The following LSAMP variants were observed in gnomAD, a reference collection of about 807,000 sequenced individuals.
LSAMP encodes limbic system associated membrane protein, also known as limbic system-associated membrane protein.
A neutral mutation model predicts 38.6 loss-of-function variants in LSAMP; 7 were observed. The observed-to-expected ratio is 0.18, with a 90% CI of 0.10 to 0.34. The LOEUF is 0.34. Ranked by LOEUF, LSAMP falls within the 10% of genes least tolerant of loss-of-function variation. The probability of loss-of-function intolerance (pLI) is 1.00; values close to 1 mark genes in which losing one functional copy is unlikely to be tolerated. For synonymous variants in LSAMP, 154 were observed against 166.8 expected (o/e 0.92, Z 0.59); for missense variants, 313 against 420.0 (o/e 0.75, Z 2.23).
At chr3:116,263,734 G>A (rs1349602450) in intron 1 of LSAMP, among the ~76,000 whole-genome samples, 7 of 151,950 alleles carry the variant, frequency 4.6e-5, no homozygotes, top group Admixed American at 3.9e-4. Flanking sequence ...TGTAAGATAA[G>A]GCTGAGTCCA....
intron 3 of LSAMP, among the ~76,000 whole-genome samples, chr3:116,012,024 G>T (rs888257709): frequency 2.0e-5 from 3 of 152,184 alleles, no homozygotes; most frequent in Admixed American, 1.3e-4. Flanking sequence ...GTCCATTGTG[G>T]ACAGTCCACA....
intron 1 of LSAMP, among the ~76,000 whole-genome samples, chr3:116,312,288 A>G (rs1340676069): frequency 3.9e-5 from 6 of 152,166 alleles, no homozygotes; most frequent in Non-Finnish European, 8.8e-5. Flanking sequence ...GAATCGGACA[A>G]AAAGGGCTCC....
chr3:116,179,020 T>C (rs374525338), intron 1 of LSAMP, among the ~76,000 whole-genome samples: 38 of 121,848 alleles, frequency 3.1e-4, no homozygotes, highest in African/African-American at 9.3e-4. Context: ...GCTACCCAAC[T>C]TTTACTACCT....
intron 1 of LSAMP, among the ~76,000 whole-genome samples, chr3:116,424,523 C>T (rs2049169176): frequency 6.6e-6 from 1 of 152,162 alleles, no homozygotes; most frequent in Non-Finnish European, 1.5e-5. Context: ...TTGAGGGTCA[C>T]AGGACAACCC....
chr3:116,182,778 T>C (rs1273905385), intron 1 of LSAMP, among the ~76,000 whole-genome samples: 1 of 151,862 alleles, frequency 6.6e-6, no homozygotes, highest in East Asian at 1.9e-4. Flanking sequence ...GAGTTGATCC[T>C]GGTAATGTAT....
chr3:116,245,270 A>G (rs1049509217), intron 1 of LSAMP, among the ~76,000 whole-genome samples: 2 of 152,168 alleles, frequency 1.3e-5, no homozygotes, highest in African/African-American at 2.4e-5. Context: ...CCCTGCTGAC[A>G]CCTTGAACTT....
At chr3:116,424,716 T>C (rs886450527) in intron 1 of LSAMP, among the ~76,000 whole-genome samples, 7 of 152,192 alleles carry the variant, frequency 4.6e-5, no homozygotes, top group African/African-American at 1.7e-4. Flanking sequence ...AAATGCAGTA[T>C]TGAGAGTCTT....
chr3:116,339,544 A>G (rs942871769), intron 1 of LSAMP, among the ~76,000 whole-genome samples: 6 of 151,870 alleles, frequency 4.0e-5, no homozygotes, highest in South Asian at 2.1e-4. Context: ...CCCATGGGGA[A>G]GTAGGGTCTG....
intron 1 of LSAMP, among the ~76,000 whole-genome samples, chr3:116,100,646 C>T (rs1312679209): frequency 6.6e-6 from 1 of 152,166 alleles, no homozygotes; most frequent in African/African-American, 2.4e-5. Flanking sequence ...GCTATTCCAT[C>T]TGTCTTTCAT....
intron 3 of LSAMP, among the ~76,000 whole-genome samples, chr3:115,877,483 T>C (rs527930671): frequency 6.6e-6 from 1 of 152,254 alleles, no homozygotes; most frequent in Non-Finnish European, 1.5e-5. Flanking sequence ...CAAACATTTA[T>C]ACATGAGCGT....
rs539533827 is a variant in LSAMP at position 115,809,874 on chromosome 3, G to A, written c.*443C>T. 1 of 153,364 alleles carries A rather than the reference G, an allele frequency of 6.5e-6. No individual in the cohort carries two copies. Among genetic ancestry groups the A allele is most frequent in the Non-Finnish European group, 1.4e-5 (1 of 70,012 alleles). 9.5% of individuals were successfully genotyped at this position (153,364 alleles called of 1,614,324 possible). A position where few individuals can be genotyped will look rare whatever the true frequency, so the allele number is the denominator to read the frequency against. On this transcript the variant is annotated 3_prime_UTR_variant, in exon 7 of 7. Coordinates refer to ENST00000490035, the MANE Select transcript of LSAMP (RefSeq NM_002338.5). ...CTCAAATGAAAAATAGAATTAAAAG[G>A]TTATGGAAATATAAACACCAAAGGC...
At position 116,403,746 on chromosome 3, in the gene LSAMP, C is replaced by CT. The variant is rs35084969; in HGVS notation, c.155+41130dup. ...GCAAAATGTAGATTTGGCATAGAAT[C>CT]TTTTTTTTTTTTAAACAAAAAAAGG... On this transcript the variant is annotated intron_variant, in intron 1 of 6. Coordinates refer to ENST00000490035, the MANE Select transcript of LSAMP (RefSeq NM_002338.5). Among the ~76,000 whole-genome samples, 70 of 145,692 alleles carry CT rather than the reference C, an allele frequency of 4.8e-4. 1 individual carries two copies. The highest frequency in any genetic ancestry group is 3.5e-3 in the Middle Eastern group (1 of 284).
rs939211368 is a variant in LSAMP, at chr3:116,209,435, A to G, written c.156-122879T>C. The stretch of plus-strand genomic sequence containing the variant: ...ATCTTGGCTCTTCCCTCAAATTTCT[A>G]TATTTTTAGAAGTTTGTGAGTTTTT... On this transcript the variant is annotated intron_variant, in intron 1 of 6. Coordinates refer to ENST00000490035, the MANE Select transcript of LSAMP (RefSeq NM_002338.5). 9.2e-5 allele frequency among the ~76,000 whole-genome samples: 14 copies of G among 152,122 alleles called. No homozygotes were observed. The East Asian group carries it at 1.9e-3, about 21-fold the overall frequency.
chr3:116,222,666 A>AATCAACAT (rs1208236740), intron 1 of LSAMP, among the ~76,000 whole-genome samples: 1 of 150,314 alleles, frequency 6.7e-6, no homozygotes, highest in African/African-American at 2.5e-5. Flanking sequence ...CTCTGAAGGA[A>AATCAACAT]ATCAACATCT....
At chr3:116,126,693 C>T (rs1207352244) in intron 1 of LSAMP, among the ~76,000 whole-genome samples, 3 of 152,148 alleles carry the variant, frequency 2.0e-5, no homozygotes, top group Non-Finnish European at 4.4e-5. Flanking sequence ...AAAACCCTGT[C>T]TCTACTAAAA....
chr3:116,202,377 G>A (rs1396075000), intron 1 of LSAMP, among the ~76,000 whole-genome samples: 2 of 152,014 alleles, frequency 1.3e-5, no homozygotes, highest in African/African-American at 4.8e-5. Flanking sequence ...TGAGTGGTCT[G>A]CCCACCACAG....
intron 2 of LSAMP, among the ~76,000 whole-genome samples, chr3:116,082,606 G>C (rs1036845085): frequency 5.9e-5 from 9 of 152,090 alleles, no homozygotes; most frequent in Non-Finnish European, 1.2e-4. Flanking sequence ...TTGCGGCACT[G>C]TTCAGAATAG....
At chr3:116,388,518 G>A (rs993384019) in intron 1 of LSAMP, among the ~76,000 whole-genome samples, 2 of 152,232 alleles carry the variant, frequency 1.3e-5, no homozygotes, top group Non-Finnish European at 2.9e-5. Context: ...TAAAACGCAC[G>A]AAAATATTTT....
chr3:116,201,653 C>T (rs918803383), intron 1 of LSAMP, among the ~76,000 whole-genome samples: 1 of 152,178 alleles, frequency 6.6e-6, no homozygotes, highest in African/African-American at 2.4e-5. Context: ...TACTCAGGCT[C>T]TTGTGCAGGA....
Sources: gnomAD v4.1 joint callset for allele counts (sites outside exome capture counted in the v4.1 genomes callset) on GRCh38, gnomAD v4.1.1 for gene constraint, MANE v1.5 for transcripts, NCBI Gene and HGNC (gene_info 2026-07-23, HGNC 2026-07-21) for gene names.